MON2: variants seen among roughly 807,000 people sequenced by gnomAD.
MON2 encodes protein MON2 homolog.
Under a neutral mutation model 208.6 loss-of-function variants are expected in MON2, and 84 were observed. The observed-to-expected ratio is 0.40, with a 90% confidence interval of 0.34 to 0.48. The LOEUF is 0.48. Ranked by LOEUF, MON2 falls within the 20% of genes least tolerant of loss-of-function variation. The pLI, the probability that MON2 is intolerant of heterozygous loss-of-function variation, is 0.59. For missense variants in MON2, 1,611 were observed against 2,015.4 expected, an observed-to-expected ratio of 0.80 and a Z score of 3.84; for synonymous variants, 660 against 694.0, an observed-to-expected ratio of 0.95 and a Z score of 0.77.
At chr12:62,574,706 T>C (rs181434837) in intron 30 of MON2, among the ~76,000 whole-genome samples, 41 of 152,232 alleles carry the variant, frequency 2.7e-4, no homozygotes, top group Non-Finnish European at 5.4e-4. Context: ...AGCTTTCTAC[T>C]CCATGGAGTA....
In MON2 at chr12:62,484,107, A is replaced by G. The variant is rs550314928; in HGVS notation, c.112-63A>G. The G allele has an allele frequency of 4.1e-6, 5 of 1,210,700 alleles. No individual in the cohort carries two copies. In the East Asian group the frequency reaches 7.0e-5, roughly 17 times the overall value. The allele number at this position is 1,210,700 out of a possible 1,614,324, so 75.0% of individuals were successfully genotyped here. On this transcript the variant is annotated intron_variant, in intron 1 of 34. Coordinates refer to ENST00000393630, the MANE Select transcript of MON2 (RefSeq NM_015026.3). ...ATATTTTGTCTATCACATATGACTT[A>G]TTTTCCATAGATAATTCATTTTGGC...
chr12:62,487,923 A>G (rs900327414), intron 2 of MON2, among the ~76,000 whole-genome samples: 2 of 152,122 alleles, frequency 1.3e-5, no homozygotes, highest in African/African-American at 4.8e-5. Context: ...GCTTTTGAAG[A>G]CCTTTTCTAG....
chr12:62,489,388 C>T (rs1241832439), intron 2 of MON2, among the ~76,000 whole-genome samples: 2 of 151,782 alleles, frequency 1.3e-5, no homozygotes, highest in African/African-American at 2.4e-5. Flanking sequence ...TTCATTTCTT[C>T]GAACTTTTGT....
chr12:62,475,620 G>A (rs907286098), intron 1 of MON2, among the ~76,000 whole-genome samples: 2 of 150,062 alleles, frequency 1.3e-5, no homozygotes, highest in Non-Finnish European at 3.0e-5. Context: ...GGCCAGGCTG[G>A]TCATGAACTC....
chr12:62,516,635 C>T lies in MON2; in HGVS notation c.985-7880C>T, dbSNP rs560921642. Among the ~76,000 whole-genome samples the T allele has an allele frequency of 7.9e-5, 12 of 152,176 alleles. No individual in the cohort carries two copies. The South Asian group carries it at 2.5e-3, about 32-fold the overall frequency. On this transcript the variant is annotated intron_variant, in intron 8 of 34. Coordinates refer to ENST00000393630, the MANE Select transcript of MON2 (RefSeq NM_015026.3). ...AGGAGAATCGCTTGAACCCAGGAGG[C>T]GGAGGTTGCGGCGAGCCAAGATTGT...
chr12:62,498,543 A>C (rs1450483651), intron 4 of MON2, among the ~76,000 whole-genome samples: 1 of 152,206 alleles, frequency 6.6e-6, no homozygotes, highest in Non-Finnish European at 1.5e-5. Flanking sequence ...TCCTTTTAAA[A>C]GTTTCATAAT....
intron 11 of MON2, among the ~76,000 whole-genome samples, chr12:62,531,076 G>T (rs913543975): frequency 1.3e-5 from 2 of 152,036 alleles, no homozygotes; most frequent in Admixed American, 1.3e-4. Context: ...TAATTGGATT[G>T]TCTTTTTCTT....
intron 2 of MON2, 108 bp from the exon 3 acceptor site, chr12:62,493,807 A>G: frequency 1.2e-6 from 1 of 810,136 alleles, no homozygotes; most frequent in South Asian, 3.0e-5. Context: ...TATTTTACGT[A>G]AAGTGGATTT....
intron 20 of MON2, 95 bp downstream of exon 20, chr12:62,543,293 C>T (rs2073322307): frequency 1.7e-6 from 1 of 588,528 alleles, no homozygotes; most frequent in African/African-American, 2.0e-5. Flanking sequence ...TCAGCATTAA[C>T]TTTTTTTCCC....
chr12:62,582,722 T>TAA (rs34553715), intron 32 of MON2, among the ~76,000 whole-genome samples: 55 of 147,654 alleles, frequency 3.7e-4, no homozygotes, highest in Non-Finnish European at 3.2e-4. Flanking sequence ...TAGTTTTCAT[T>TAA]AAAAAAAAAA....
At chr12:62,588,960 G>A (rs1346828067) in intron 34 of MON2, 1 of 1,244,002 alleles carries the variant, frequency 8.0e-7, no homozygotes, top group Non-Finnish European at 1.1e-6. Flanking sequence ...TTTTTTATGT[G>A]TACTTGTCTC....
chr12:62,584,643 C>T (rs980294340), intron 32 of MON2, among the ~76,000 whole-genome samples: 8 of 133,392 alleles, frequency 6.0e-5, no homozygotes, highest in Middle Eastern at 5.1e-3. Flanking sequence ...GCAGAGGTTG[C>T]GGTGAGCCAA....
At position 62,520,784 on chromosome 12, in the gene MON2, G is replaced by A. The variant is rs565261159; in HGVS notation, c.985-3731G>A. On this transcript the variant is annotated intron_variant, in intron 8 of 34. Transcript: ENST00000393630. The stretch of plus-strand genomic sequence containing the variant: ...TACTAAAAAATACAAAAAATTAGCC[G>A]GGTGTGGTGGCAGGCACCAAAATAT... Among the ~76,000 whole-genome samples the A allele has an allele frequency of 2.0e-5, 3 of 149,774 alleles. No individual in the cohort carries two copies. The South Asian group carries it at 6.3e-4, about 32-fold the overall frequency.
At chr12:62,549,372 C>T (rs577436713) in intron 22 of MON2, among the ~76,000 whole-genome samples, 1 of 150,724 alleles carries the variant, frequency 6.6e-6, no homozygotes, top group African/African-American at 2.4e-5. Flanking sequence ...GTAATCGTAG[C>T]ACTTTGGGAG....
intron 4 of MON2, among the ~76,000 whole-genome samples, chr12:62,495,975 T>G (rs1592867351): frequency 6.6e-6 from 1 of 152,230 alleles, no homozygotes; most frequent in East Asian, 1.9e-4. Flanking sequence ...ATGAAATATT[T>G]CTAAAGAACA....
In MON2 at chr12:62,560,823, T is replaced by C; in HGVS notation, c.3742T>C (p.Tyr1248His). Reference protein sequence around the residue: ...NLWWAAWNTWYRIGSESTKPP... With the variant: ...NLWWAAWNTWHRIGSESTKPP... Reference sequence around the variant, plus strand: ...ATGGTGGGCTGCGTGGAATACCTGGTATAGAATTGGATCTGAAAGTACTAA... The same window carrying C: ...ATGGTGGGCTGCGTGGAATACCTGGCATAGAATTGGATCTGAAAGTACTAA... The change falls in exon 26 of 35, where the codon TAT (tyrosine) becomes CAT (histidine). Residue 1248 changes from tyrosine to histidine, a missense_variant. Physicochemically the swap from Tyr to His is moderately conservative, Grantham distance 83. Transcript: ENST00000393630. The C allele has an allele frequency of 6.2e-7, 1 of 1,614,124 alleles. No individual in the cohort carries two copies. The highest frequency in any genetic ancestry group is 8.5e-7 in the Non-Finnish European group (1 of 1,179,994).
At chr12:62,485,960 T>TC (rs1299270984) in intron 2 of MON2, among the ~76,000 whole-genome samples, 1 of 152,116 alleles carries the variant, frequency 6.6e-6, no homozygotes, top group Non-Finnish European at 1.5e-5. Flanking sequence ...CCTCGGCCTC[T>TC]CCAAGTGTTG....
intron 34 of MON2, among the ~76,000 whole-genome samples, chr12:62,591,066 A>G (rs2075383149): frequency 6.6e-6 from 1 of 152,146 alleles, no homozygotes; most frequent in African/African-American, 2.4e-5. Context: ...TGGTCAATTG[A>G]CTCTCCATCT....
intron 7 of MON2, among the ~76,000 whole-genome samples, chr12:62,502,393 C>T (rs1415434478): frequency 6.7e-6 from 1 of 149,264 alleles, no homozygotes; most frequent in Admixed American, 6.6e-5. Flanking sequence ...AGAGCGAGAC[C>T]CCATTTCTTA....
Sources: gnomAD v4.1 joint callset for allele counts (sites outside exome capture counted in the v4.1 genomes callset) on GRCh38, gnomAD v4.1.1 for gene constraint, MANE v1.5 for transcripts, NCBI Gene and HGNC (gene_info 2026-07-23, HGNC 2026-07-21) for gene names.